ANKS1B: variants seen among roughly 807,000 people sequenced by gnomAD.
ANKS1B encodes the protein ankyrin repeat and sterile alpha motif domain containing 1B.
In ANKS1B, 36 loss-of-function variants were observed where a neutral mutation model predicts 148.3. The ratio of observed to expected loss-of-function variants is 0.24; its 90% CI spans 0.19 to 0.32. The LOEUF (loss-of-function observed/expected upper bound fraction) is 0.32. Among genes scored for constraint, ANKS1B ranks in the 10% least tolerant of loss-of-function variants. The pLI, the probability that ANKS1B is intolerant of heterozygous loss-of-function variation, is 1.00. For synonymous variants in ANKS1B, 542 were observed against 560.8 expected (o/e 0.97, Z 0.47); for missense variants, 1,157 against 1,542.6 (o/e 0.75, Z 4.19).
intron 8 of ANKS1B, chr12:99,706,765 T>C (rs2055849398): frequency 6.6e-6 from 1 of 152,104 alleles, no homozygotes; most frequent in Admixed American, 6.5e-5. Flanking sequence ...AGCTACCATA[T>C]GGAAAGGCCA....
chr12:99,628,493 G>A (rs747052126), intron 9 of ANKS1B, among the ~76,000 whole-genome samples: 1 of 152,116 alleles, frequency 6.6e-6, no homozygotes, highest in Non-Finnish European at 1.5e-5. Flanking sequence ...TTAAATTATT[G>A]TCCACAGCAT....
In ANKS1B at chr12:99,781,269, A is replaced by G. The variant is rs185250606; in HGVS notation, c.745+753T>C. On this transcript the variant is annotated intron_variant, in intron 5 of 26. Transcript: ENST00000683438. ...AAATTTTAACTTTGTTAAATTGTGTACAAATACAATCACAATACAACAGTC... is the reference window on the plus strand; with the variant it reads ...AAATTTTAACTTTGTTAAATTGTGTGCAAATACAATCACAATACAACAGTC... 8.5e-5 allele frequency among the ~76,000 whole-genome samples: 13 copies of G among 152,312 alleles called. No individual in the cohort carries two copies. In the East Asian group the frequency reaches 2.5e-3, roughly 29 times the overall value.
chr12:99,874,166 T>C (rs2091850083), intron 1 of ANKS1B, among the ~76,000 whole-genome samples: 1 of 151,858 alleles, frequency 6.6e-6, no homozygotes, highest in Non-Finnish European at 1.5e-5. Context: ...TCCAAATAAC[T>C]CTTAAAACTG....
intron 9 of ANKS1B, among the ~76,000 whole-genome samples, chr12:99,617,394 C>T (rs910751802): frequency 3.3e-5 from 5 of 152,062 alleles, no homozygotes; most frequent in Admixed American, 2.6e-4. Flanking sequence ...AACCCAAATG[C>T]CCATCAATGA....
chr12:99,290,518 C>G (rs1016387018), intron 12 of ANKS1B, among the ~76,000 whole-genome samples: 1 of 151,870 alleles, frequency 6.6e-6, no homozygotes, highest in Non-Finnish European at 1.5e-5. Context: ...ATACAAAAAT[C>G]CTCAACAAAA....
intron 10 of ANKS1B, among the ~76,000 whole-genome samples, chr12:99,465,506 TAAAG>T (rs2096086235): frequency 6.6e-6 from 1 of 151,960 alleles, no homozygotes; most frequent in African/African-American, 2.4e-5. Context: ...GCAAATTGGA[TAAAG>T]AGTCAAGACC....
chr12:99,506,572 C>A (rs572759231), intron 9 of ANKS1B, among the ~76,000 whole-genome samples: 1 of 152,026 alleles, frequency 6.6e-6, no homozygotes, highest in South Asian at 2.1e-4. Flanking sequence ...TCCAGAGAAG[C>A]CTTATAGCCA....
chr12:99,476,652 G>A (rs2096327083), intron 10 of ANKS1B, among the ~76,000 whole-genome samples: 1 of 152,096 alleles, frequency 6.6e-6, no homozygotes, highest in African/African-American at 2.4e-5. Flanking sequence ...ATAAAAATGT[G>A]ATATCTATTT....
At chr12:99,663,856 G>C (rs574873331) in intron 8 of ANKS1B, among the ~76,000 whole-genome samples, 4 of 152,034 alleles carry the variant, frequency 2.6e-5, no homozygotes, top group Admixed American at 6.6e-5. Context: ...CCTCTGAAAC[G>C]CTTAGTTCCA....
chr12:99,058,700 T>C (rs2041171012), intron 16 of ANKS1B, among the ~76,000 whole-genome samples: 1 of 146,752 alleles, frequency 6.8e-6, no homozygotes, highest in Admixed American at 6.8e-5. Context: ...CTTTTTCTCC[T>C]AATGAAATTC....
intron 1 of ANKS1B, among the ~76,000 whole-genome samples, chr12:99,978,846 T>G (rs147538155): frequency 3.9e-5 from 6 of 152,334 alleles, no homozygotes; most frequent in Non-Finnish European, 4.4e-5. Context: ...TCTTAAGAAC[T>G]GTATTATTTA....
At chr12:99,473,744 A>G (rs1053111607) in intron 10 of ANKS1B, among the ~76,000 whole-genome samples, 4 of 151,928 alleles carry the variant, frequency 2.6e-5, no homozygotes, top group African/African-American at 9.7e-5. Context: ...GTCTTTGCCA[A>G]TTGTTTCCAT....
intron 17 of ANKS1B, among the ~76,000 whole-genome samples, chr12:99,033,792 A>C (rs1270180717): frequency 6.6e-6 from 1 of 152,226 alleles, no homozygotes; most frequent in Non-Finnish European, 1.5e-5. Context: ...GACTATCTTC[A>C]GATTACACCC....
At chr12:99,181,246 G>A (rs1045563388) in intron 14 of ANKS1B, among the ~76,000 whole-genome samples, 3 of 151,580 alleles carry the variant, frequency 2.0e-5, no homozygotes, top group African/African-American at 7.3e-5. Flanking sequence ...AGAAGCCTTG[G>A]CTTTTTTTTT....
At chr12:99,528,051 A>G (rs1200746682) in intron 9 of ANKS1B, among the ~76,000 whole-genome samples, 1 of 151,998 alleles carries the variant, frequency 6.6e-6, no homozygotes, top group Admixed American at 6.6e-5. Flanking sequence ...CAGAGTAGAG[A>G]GCTCAGAAAT....
At chr12:99,927,509 C>T (rs1415127557) in intron 1 of ANKS1B, among the ~76,000 whole-genome samples, 1 of 152,074 alleles carries the variant, frequency 6.6e-6, no homozygotes, top group African/African-American at 2.4e-5. Context: ...CAAAGATTGC[C>T]TAGGAAGAAT....
At chr12:99,279,928 T>C (rs1296350642) in intron 12 of ANKS1B, among the ~76,000 whole-genome samples, 1 of 151,964 alleles carries the variant, frequency 6.6e-6, no homozygotes, top group Non-Finnish European at 1.5e-5. Flanking sequence ...CACCTGAGCC[T>C]GGGAGGTTGA....
chr12:99,000,497 G>C (rs998065032), intron 17 of ANKS1B, among the ~76,000 whole-genome samples: 1 of 152,104 alleles, frequency 6.6e-6, no homozygotes, highest in Admixed American at 6.5e-5. Flanking sequence ...TAGAACTCCT[G>C]GCCTCAAGTG....
chr12:99,831,413 G>T (rs1458631955), intron 1 of ANKS1B, among the ~76,000 whole-genome samples: 1 of 152,062 alleles, frequency 6.6e-6, no homozygotes, highest in Non-Finnish European at 1.5e-5. Flanking sequence ...TTCATAGTGT[G>T]CAAATGTGTT....
Sources: gnomAD v4.1 joint callset for allele counts (sites outside exome capture counted in the v4.1 genomes callset) on GRCh38, gnomAD v4.1.1 for gene constraint, MANE v1.5 for transcripts, NCBI Gene and HGNC (gene_info 2026-07-23, HGNC 2026-07-21) for gene names.